The following EYS variants were observed in gnomAD, a reference collection of about 807,000 sequenced individuals.
EYS encodes the protein protein eyes shut homolog.
EYS carries 250 observed loss-of-function variants against 282.1 expected under a neutral mutation model. The observed-to-expected ratio is 0.89, with a 90% CI of 0.80 to 0.98. EYS has a LOEUF of 0.98. EYS is among the 50% of genes least tolerant of loss of function. The pLI is 0.00. For missense variants in EYS, 4,016 were observed against 3,709.0 expected, an observed-to-expected ratio of 1.08 and a Z score of -2.15; for synonymous variants, 1,355 against 1,282.9, an observed-to-expected ratio of 1.06 and a Z score of -1.20.
intron 5 of EYS, among the ~76,000 whole-genome samples, chr6:65,468,851 A>C (rs1480588352): frequency 3.3e-5 from 5 of 152,100 alleles, no homozygotes; most frequent in Non-Finnish European, 7.4e-5. Context: ...CATTTCTGTG[A>C]AGGATATCTT....
chr6:63,776,840 A>T (rs887165730), intron 40 of EYS, among the ~76,000 whole-genome samples: 1 of 152,152 alleles, frequency 6.6e-6, no homozygotes, highest in African/African-American at 2.4e-5. Context: ...TTATTATCAC[A>T]TAAAAAAACC....
intron 26 of EYS, among the ~76,000 whole-genome samples, chr6:64,504,870 TGGGATGCTAAGCTCCACAGTAA>T (rs1206737969): frequency 6.6e-6 from 1 of 152,022 alleles, no homozygotes; most frequent in Admixed American, 6.6e-5. Context: ...GTAAAAAACT[TGGGATGCTAAGCTCCACAGTAA>T]GTTTTACTCT....
intron 26 of EYS, among the ~76,000 whole-genome samples, chr6:64,467,802 T>C (rs532588592): frequency 6.6e-6 from 1 of 152,124 alleles, no homozygotes; most frequent in African/African-American, 2.4e-5. Context: ...GGCACCTGCA[T>C]GCACCTTTTG....
chr6:65,647,981 C>A (rs760910810), intron 1 of EYS, among the ~76,000 whole-genome samples: 10 of 151,138 alleles, frequency 6.6e-5, no homozygotes, highest in Non-Finnish European at 1.3e-4. Flanking sequence ...CCACGATGTG[C>A]TACCATCTTA....
At chr6:64,659,211 G>A (rs1427647523) in intron 22 of EYS, among the ~76,000 whole-genome samples, 1 of 152,100 alleles carries the variant, frequency 6.6e-6, no homozygotes, top group East Asian at 1.9e-4. Flanking sequence ...CAACATTCCA[G>A]AATCTCTGGG....
chr6:65,185,037 GAA>G lies in EYS; in HGVS notation c.2023+110824_2023+110825del, dbSNP rs200241313. 2.8e-4 allele frequency among the ~76,000 whole-genome samples: 41 copies of G among 144,456 alleles called. No individual in the cohort carries two copies. The East Asian group carries it at 4.9e-3, about 17-fold the overall frequency. The allele number at this position is 144,456 out of a possible 152,430, so 94.8% of individuals were successfully genotyped here. ...ATACATATTGTATGTAAAAAAGAAA[GAA>G]AAAAAAAACTATATGTGTGATTGAT... On this transcript the variant is annotated intron_variant, in intron 12 of 42. Transcript: ENST00000503581.
At position 64,065,452 on chromosome 6, in the gene EYS, T is replaced by C. The variant is rs183822682; in HGVS notation, c.6725+886A>G. ...GCTGCATGTAAATTTTGTTTAGTAATGCCCCTGAGATGTGATCATCATTTA... is the reference window on the plus strand; with the variant it reads ...GCTGCATGTAAATTTTGTTTAGTAACGCCCCTGAGATGTGATCATCATTTA... On this transcript the variant is annotated intron_variant, in intron 33 of 42. Transcript: ENST00000503581. Among the ~76,000 whole-genome samples the C allele has an allele frequency of 7.9e-4, 120 of 152,338 alleles. 1 individual carries two copies. Among genetic ancestry groups the C allele is most frequent in the Non-Finnish European group, 2.9e-4 (20 of 68,022 alleles).
chr6:64,854,996 T>G (rs369558540), intron 19 of EYS, among the ~76,000 whole-genome samples: 25 of 152,336 alleles, frequency 1.6e-4, no homozygotes, highest in African/African-American at 6.0e-4. Flanking sequence ...GGTGTCACTA[T>G]TGTCTTCTGG....
At chr6:64,664,049 G>C (rs1769142337) in intron 22 of EYS, among the ~76,000 whole-genome samples, 1 of 152,234 alleles carries the variant, frequency 6.6e-6, no homozygotes, top group African/African-American at 2.4e-5. Flanking sequence ...CTGGAGGGAT[G>C]GAAGTAAGCG....
intron 12 of EYS, among the ~76,000 whole-genome samples, chr6:65,256,362 G>A (rs1008601097): frequency 7.3e-6 from 1 of 137,656 alleles, no homozygotes; most frequent in Non-Finnish European, 1.5e-5. Flanking sequence ...CTGGTGTGCT[G>A]CACCCACTAA....
chr6:65,179,994 C>G (rs535515186), intron 12 of EYS, among the ~76,000 whole-genome samples: 1 of 152,140 alleles, frequency 6.6e-6, no homozygotes, highest in South Asian at 2.1e-4. Context: ...AGGCCTTTGA[C>G]AAAATTCAAC....
intron 2 of EYS, among the ~76,000 whole-genome samples, chr6:65,606,002 G>A (rs1371550222): frequency 1.3e-5 from 2 of 151,468 alleles, no homozygotes; most frequent in Non-Finnish European, 3.0e-5. Flanking sequence ...ATAAAAACTT[G>A]AGGAAATATT....
intron 33 of EYS, among the ~76,000 whole-genome samples, chr6:64,044,600 A>G (rs922880927): frequency 2.0e-5 from 3 of 152,198 alleles, no homozygotes; most frequent in African/African-American, 7.2e-5. Flanking sequence ...AGTTATGAAA[A>G]TGTATTTGCC....
At chr6:64,761,149 A>G (rs1014870601) in intron 22 of EYS, among the ~76,000 whole-genome samples, 20 of 152,176 alleles carry the variant, frequency 1.3e-4, no homozygotes, top group African/African-American at 4.3e-4. Flanking sequence ...AAGCCATTGC[A>G]ATATTCTCCA....
chr6:64,005,022 T>G (rs183891378), intron 33 of EYS, among the ~76,000 whole-genome samples: 193 of 152,314 alleles, frequency 1.3e-3, no homozygotes, highest in African/African-American at 4.4e-3. Flanking sequence ...TGTTTTAAGT[T>G]CTTTGGGAAA....
intron 35 of EYS, among the ~76,000 whole-genome samples, chr6:63,982,271 A>G (rs1388698415): frequency 1.3e-5 from 2 of 151,972 alleles, no homozygotes; most frequent in African/African-American, 4.8e-5. Context: ...ACATACTAAC[A>G]GTTAACTCAC....
rs148401635 is a variant in EYS, at chr6:65,185,776, C to T, written c.2023+110087G>A. Among the ~76,000 whole-genome samples, 484 of 151,772 alleles carry T rather than the reference C, an allele frequency of 3.2e-3. 3 individuals are homozygous for T. The highest frequency in any genetic ancestry group is 0.011 in the African/African-American group (446 of 41,468). On this transcript the variant is annotated intron_variant, in intron 12 of 42. Transcript: ENST00000503581. The stretch of plus-strand genomic sequence containing the variant: ...TGTCTTAAGCAATGGATTTTAGTGA[C>T]GGCTAGTTGATTGTTACCTGGCTAC...
chr6:64,979,832 AT>A (rs1562284993), intron 14 of EYS, among the ~76,000 whole-genome samples: 1 of 151,688 alleles, frequency 6.6e-6, no homozygotes, highest in Non-Finnish European at 1.5e-5. Flanking sequence ...TATTGTATAG[AT>A]TAATTAGCCA....
At chr6:64,131,082 G>A (rs1322729085) in intron 31 of EYS, among the ~76,000 whole-genome samples, 6 of 146,796 alleles carry the variant, frequency 4.1e-5, no homozygotes, top group South Asian at 4.3e-4. Flanking sequence ...TGGTCAGGCT[G>A]GTCTTGAACT....
Sources: allele counts gnomAD v4.1 joint callset (sites outside exome capture counted in the v4.1 genomes callset), GRCh38; gene constraint gnomAD v4.1.1; transcripts MANE v1.5; gene names NCBI Gene and HGNC (gene_info 2026-07-23, HGNC 2026-07-21).